The following THSD4 variants were observed in gnomAD, a reference collection of about 807,000 sequenced individuals.
THSD4 encodes the protein thrombospondin type-1 domain-containing protein 4.
THSD4 carries 69 observed loss-of-function variants against 119.0 expected under a neutral mutation model. The observed-to-expected ratio is 0.58, with a 90% CI of 0.48 to 0.71. THSD4 has a LOEUF of 0.71. THSD4 is among the 30% of genes least tolerant of loss of function. THSD4 has a pLI of 0.00. For synonymous variants in THSD4, 524 were observed against 540.4 expected (o/e 0.97, Z 0.42); for missense variants, 1,393 against 1,391.1 (o/e 1.00, Z -0.02).
chr15:71,620,420 CT>C (rs1427582348), intron 7 of THSD4, among the ~76,000 whole-genome samples: 3 of 151,140 alleles, frequency 2.0e-5, no homozygotes, highest in African/African-American at 7.3e-5. Flanking sequence ...TAGCAAAACT[CT>C]GTTTTTACAA....
intron 4 of THSD4, among the ~76,000 whole-genome samples, chr15:71,227,237 T>G (rs2044024825): frequency 1.3e-5 from 2 of 152,234 alleles, no homozygotes; most frequent in African/African-American, 4.8e-5. Flanking sequence ...ATTTCATTAG[T>G]TATCAGAACA....
chr15:71,658,298 A>T (rs2051230795), intron 7 of THSD4, among the ~76,000 whole-genome samples: 1 of 152,216 alleles, frequency 6.6e-6, no homozygotes, highest in Non-Finnish European at 1.5e-5. Flanking sequence ...CTTGCACTTC[A>T]GCCGTGTCAT....
intron 7 of THSD4, among the ~76,000 whole-genome samples, chr15:71,554,289 G>A (rs556490230): frequency 6.6e-6 from 1 of 150,998 alleles, no homozygotes; most frequent in Admixed American, 6.6e-5. Flanking sequence ...GTAGAGATGG[G>A]TTTCACCGTG....
rs550132877 is a variant in THSD4, at chr15:71,480,942, C to CT, written c.1152+69126dup. On this transcript the variant is annotated intron_variant, in intron 7 of 17. Coordinates refer to ENST00000261862, the MANE Select transcript of THSD4 (RefSeq NM_024817.3). Reference sequence around the variant, plus strand: ...GCATGCAGTTTACATACCTGATTGACTTTTTTTATAGATTCATAGAACTGA... The same window carrying CT: ...GCATGCAGTTTACATACCTGATTGACTTTTTTTTATAGATTCATAGAACTGA... Among the ~76,000 whole-genome samples the CT allele has an allele frequency of 4.0e-3, 605 of 152,202 alleles. 3 individuals are homozygous for CT. The highest frequency in any genetic ancestry group is 0.016 in the South Asian group (76 of 4,814).
chr15:71,705,474 A>T (rs1456979079), intron 8 of THSD4, among the ~76,000 whole-genome samples: 1 of 152,158 alleles, frequency 6.6e-6, no homozygotes, highest in Non-Finnish European at 1.5e-5. Context: ...TATCCAGGAC[A>T]TTCTTCTTGC....
intron 7 of THSD4, among the ~76,000 whole-genome samples, chr15:71,528,768 G>A (rs1033205443): frequency 6.6e-6 from 1 of 152,188 alleles, no homozygotes; most frequent in African/African-American, 2.4e-5. Context: ...TTCCTGACTG[G>A]CCTTAGATGA....
intron 6 of THSD4, among the ~76,000 whole-genome samples, chr15:71,328,255 G>C (rs1411733760): frequency 6.6e-6 from 1 of 152,102 alleles, no homozygotes; most frequent in Non-Finnish European, 1.5e-5. Flanking sequence ...TGGCCACTTG[G>C]GGATCTCCAT....
intron 7 of THSD4, among the ~76,000 whole-genome samples, chr15:71,546,290 A>G (rs2048836153): frequency 6.6e-6 from 1 of 152,112 alleles, no homozygotes; most frequent in African/African-American, 2.4e-5. Context: ...GTGGCCACCA[A>G]GAGCCTCAGA....
At chr15:71,216,336 C>A (rs2043932280) in intron 4 of THSD4, among the ~76,000 whole-genome samples, 1 of 152,202 alleles carries the variant, frequency 6.6e-6, no homozygotes, top group Non-Finnish European at 1.5e-5. Flanking sequence ...TGCCCCCTTG[C>A]CCACTCACAG....
chr15:71,480,863 T>G (rs938645312), intron 7 of THSD4, among the ~76,000 whole-genome samples: 1 of 152,214 alleles, frequency 6.6e-6, no homozygotes, highest in Non-Finnish European at 1.5e-5. Flanking sequence ...ACTCATCAAC[T>G]CTACCATAGT....
chr15:71,170,854 C>A (rs2043353644), intron 3 of THSD4, among the ~76,000 whole-genome samples: 1 of 151,650 alleles, frequency 6.6e-6, no homozygotes, highest in Non-Finnish European at 1.5e-5. Context: ...AAAAAGACAC[C>A]CAAATCTAAC....
At chr15:71,319,961 T>C (rs2045245393) in intron 6 of THSD4, among the ~76,000 whole-genome samples, 1 of 152,206 alleles carries the variant, frequency 6.6e-6, no homozygotes, top group Admixed American at 6.5e-5. Context: ...AAAAGGACGG[T>C]ATGGTAACTA....
chr15:71,348,436 T>G (rs148014516), intron 6 of THSD4: 1,961 of 152,370 alleles, frequency 0.013, 10 homozygotes, highest in Non-Finnish European at 0.022. Context: ...ACACTCCCTC[T>G]GCTTTTCCTT....
At chr15:71,396,363 G>A (rs1596399345) in intron 6 of THSD4, among the ~76,000 whole-genome samples, 2 of 152,180 alleles carry the variant, frequency 1.3e-5, no homozygotes, top group African/African-American at 4.8e-5. Context: ...TAATAGCAGG[G>A]GATAGGAAGT....
intron 8 of THSD4, among the ~76,000 whole-genome samples, chr15:71,716,831 C>T (rs1049103241): frequency 2.0e-5 from 3 of 152,144 alleles, no homozygotes; most frequent in African/African-American, 7.2e-5. Context: ...GTGTTCTGGT[C>T]ACTCACATAG....
intron 7 of THSD4, among the ~76,000 whole-genome samples, chr15:71,568,462 G>C (rs1326034201): frequency 6.6e-6 from 1 of 151,850 alleles, no homozygotes; most frequent in African/African-American, 2.4e-5. Context: ...TGCTGAATCA[G>C]GATTCAGGAC....
intron 8 of THSD4, among the ~76,000 whole-genome samples, chr15:71,684,517 CTT>C (rs11357397): frequency 2.9e-4 from 43 of 145,944 alleles, no homozygotes; most frequent in African/African-American, 3.5e-4. Flanking sequence ...ATCTTGTAAT[CTT>C]TTTTTTTTTT....
At chr15:71,445,222 C>T (rs140338787) in intron 7 of THSD4, among the ~76,000 whole-genome samples, 136 of 152,182 alleles carry the variant, frequency 8.9e-4, no homozygotes, top group African/African-American at 3.0e-3. Flanking sequence ...CTCTCCCTGT[C>T]GTGCCCCAAA....
chr15:71,191,590 A>G (rs1368153327), intron 3 of THSD4, among the ~76,000 whole-genome samples: 3 of 152,166 alleles, frequency 2.0e-5, no homozygotes, highest in Admixed American at 1.3e-4. Flanking sequence ...TTTATCTCTG[A>G]GGAGACAGCC....
Sources: gnomAD v4.1 joint callset for allele counts (sites outside exome capture counted in the v4.1 genomes callset) on GRCh38, gnomAD v4.1.1 for gene constraint, MANE v1.5 for transcripts, NCBI Gene and HGNC (gene_info 2026-07-23, HGNC 2026-07-21) for gene names.